Variants in PRKCA observed in about 807,000 individuals in gnomAD.
PRKCA encodes protein kinase C alpha, also known as protein kinase C alpha type.
Under a neutral mutation model 87.0 loss-of-function variants are expected in PRKCA, and 27 were observed. The observed-to-expected ratio is 0.31, with a 90% CI of 0.23 to 0.43. The LOEUF (loss-of-function observed/expected upper bound fraction) is 0.43. Ranked by LOEUF, PRKCA falls within the 20% of genes least tolerant of loss-of-function variation. The pLI, the probability that PRKCA is intolerant of heterozygous loss-of-function variation, is 1.00. For synonymous variants in PRKCA, 329 were observed against 311.1 expected, an observed-to-expected ratio of 1.06 and a Z score of -0.61; for missense variants, 518 against 852.3, an observed-to-expected ratio of 0.61 and a Z score of 4.88.
intron 8 of PRKCA, among the ~76,000 whole-genome samples, chr17:66,726,976 GGT>G (rs989525436): frequency 6.6e-6 from 1 of 152,108 alleles, no homozygotes; most frequent in African/African-American, 2.4e-5. Context: ...CTCCTGCCTT[GGT>G]GTCCCAAAGT....
At chr17:66,651,050 G>C (rs1025298247) in intron 5 of PRKCA, among the ~76,000 whole-genome samples, 1 of 152,264 alleles carries the variant, frequency 6.6e-6, no homozygotes, top group South Asian at 2.1e-4. Flanking sequence ...GAGAAGGGGA[G>C]CCTCAGTGGC....
intron 2 of PRKCA, among the ~76,000 whole-genome samples, chr17:66,399,849 C>T (rs973937203): frequency 2.2e-4 from 33 of 152,090 alleles, no homozygotes; most frequent in Non-Finnish European, 3.7e-4. Flanking sequence ...TTGAATATCC[C>T]TTATCTGAAA....
At chr17:66,672,335 G>A (rs79074751) in intron 5 of PRKCA, among the ~76,000 whole-genome samples, 1 of 152,012 alleles carries the variant, frequency 6.6e-6, no homozygotes. Flanking sequence ...ATACAAATGG[G>A]CAAATAACCA....
At chr17:66,397,275 C>CT (rs57003663) in intron 2 of PRKCA, among the ~76,000 whole-genome samples, 9,904 of 93,636 alleles carry the variant, frequency 0.11, 890 homozygotes, top group African/African-American at 0.19. Context: ...CCAGTGTAGA[C>CT]TTTTTTTTTT....
At chr17:66,660,732 T>A (rs1028451148) in intron 5 of PRKCA, among the ~76,000 whole-genome samples, 2 of 151,306 alleles carry the variant, frequency 1.3e-5, no homozygotes, top group East Asian at 1.9e-4. Context: ...TACTAAAAAA[T>A]ATATATATAT....
Position 66,788,708 on chromosome 17 carries a change from G to C in PRKCA, c.1714-131G>C. 2.8e-6 allele frequency: 3 copies of C among 1,076,226 alleles called. No individual in the cohort carries two copies. The South Asian group carries it at 4.9e-5, about 18-fold the overall frequency. 66.7% of individuals were successfully genotyped at this position (1,076,226 alleles called of 1,614,324 possible). On this transcript the variant is annotated intron_variant, in intron 15 of 16. Coordinates refer to ENST00000413366, the MANE Select transcript of PRKCA (RefSeq NM_002737.3). The stretch of plus-strand genomic sequence containing the variant: ...CTTCGTACAAGCCACTGAGTGTCTT[G>C]GTCAGCTCTCTGAGATGCTGTCCAG...
chr17:66,609,059 A>G (rs1970283134), intron 3 of PRKCA, among the ~76,000 whole-genome samples: 1 of 152,216 alleles, frequency 6.6e-6, no homozygotes, highest in Non-Finnish European at 1.5e-5. Context: ...TTTCTGCCCC[A>G]TAGGCCTAAG....
At chr17:66,452,276 C>T (rs977983449) in intron 2 of PRKCA, among the ~76,000 whole-genome samples, 6 of 152,152 alleles carry the variant, frequency 3.9e-5, no homozygotes, top group African/African-American at 7.2e-5. Flanking sequence ...GCCAATGTAG[C>T]GTTTGCTAAG....
chr17:66,560,979 G>T (rs1968663734), intron 3 of PRKCA, among the ~76,000 whole-genome samples: 1 of 152,146 alleles, frequency 6.6e-6, no homozygotes, highest in South Asian at 2.1e-4. Context: ...CTGTCTCCCA[G>T]TTTTTCCCTG....
At chr17:66,352,558 GT>G (rs56317931) in intron 2 of PRKCA, among the ~76,000 whole-genome samples, 3,047 of 83,484 alleles carry the variant, frequency 0.036, 17 homozygotes, top group Non-Finnish European at 0.045. Flanking sequence ...GTTTTTTGAG[GT>G]TTTTTTTTTT....
intron 13 of PRKCA, among the ~76,000 whole-genome samples, chr17:66,751,212 G>T (rs8070904): frequency 0.035 from 5,296 of 152,288 alleles, 328 homozygotes; most frequent in African/African-American, 0.12. Context: ...CTTGCTATGC[G>T]CCACGCACTT....
intron 2 of PRKCA, among the ~76,000 whole-genome samples, chr17:66,438,896 G>A (rs984517353): frequency 1.3e-5 from 2 of 152,124 alleles, no homozygotes; most frequent in South Asian, 2.1e-4. Flanking sequence ...TCCCTCCTAC[G>A]ACATGTGGGG....
rs555402639 is a variant in PRKCA, at chr17:66,610,234, A to G, written c.289-31121A>G. 1.1e-4 allele frequency among the ~76,000 whole-genome samples: 16 copies of G among 152,326 alleles called. No homozygotes were observed. The South Asian group carries it at 3.3e-3, about 32-fold the overall frequency. ...ATCAAGGATATTACAAAGGATACAA[A>G]TGAACAGCCAGGTGGAGGAGATGCA... On this transcript the variant is annotated intron_variant, in intron 3 of 16. Transcript: ENST00000413366.
intron 2 of PRKCA, among the ~76,000 whole-genome samples, chr17:66,312,154 G>T (rs1006188375): frequency 1.3e-5 from 2 of 152,046 alleles, no homozygotes; most frequent in Non-Finnish European, 2.9e-5. Context: ...GCTAATTTTT[G>T]TATTTTTAGT....
chr17:66,425,829 G>T (rs1160645793), intron 2 of PRKCA, among the ~76,000 whole-genome samples: 1 of 152,174 alleles, frequency 6.6e-6, no homozygotes, highest in Non-Finnish European at 1.5e-5. Context: ...AAGCAGGAAT[G>T]GTGTTAAAAG....
intron 5 of PRKCA, among the ~76,000 whole-genome samples, chr17:66,656,056 G>A (rs937419322): frequency 6.6e-6 from 1 of 152,072 alleles, no homozygotes; most frequent in Non-Finnish European, 1.5e-5. Flanking sequence ...TTCTCTGTGC[G>A]GGGACTCCAA....
chr17:66,578,710 A>C (rs1969319919), intron 3 of PRKCA, among the ~76,000 whole-genome samples: 1 of 152,156 alleles, frequency 6.6e-6, no homozygotes, highest in African/African-American at 2.4e-5. Flanking sequence ...AGAAGACATC[A>C]GGGCCCACCT....
chr17:66,453,196 C>A (rs1018140115), intron 2 of PRKCA, among the ~76,000 whole-genome samples: 1 of 152,150 alleles, frequency 6.6e-6, no homozygotes. Context: ...AACAGAGGCT[C>A]TGGGGTAAGG....
chr17:66,537,679 A>G (rs1008619473), intron 3 of PRKCA, among the ~76,000 whole-genome samples: 1 of 152,140 alleles, frequency 6.6e-6, no homozygotes, highest in Admixed American at 6.5e-5. Flanking sequence ...AAAAATACCA[A>G]CGTTTCCCTG....
Sources: gnomAD v4.1 joint callset for allele counts (sites outside exome capture counted in the v4.1 genomes callset) on GRCh38, gnomAD v4.1.1 for gene constraint, MANE v1.5 for transcripts, NCBI Gene and HGNC (gene_info 2026-07-23, HGNC 2026-07-21) for gene names.